PCNX4: variants seen among roughly 807,000 people sequenced by gnomAD.
PCNX4 encodes pecanex 4, also known as pecanex-like protein 4.
PCNX4 carries 103 observed loss-of-function variants against 107.2 expected under a neutral mutation model. The ratio of observed to expected loss-of-function variants is 0.96; its 90% CI spans 0.82 to 1.13. PCNX4 has a LOEUF of 1.13. PCNX4 is among the 50% of genes most tolerant of loss of function. The pLI, the probability that PCNX4 is intolerant of heterozygous loss-of-function variation, is 0.00. For synonymous variants in PCNX4, 541 were observed against 481.7 expected, an observed-to-expected ratio of 1.12 and a Z score of -1.61; for missense variants, 1,528 against 1,379.4, an observed-to-expected ratio of 1.11 and a Z score of -1.71.
In PCNX4 at chr14:60,134,351, CGTA is replaced by C; in HGVS notation, c.*131_*133del. ...CAGATGCCTGAGAACAGCTAAGCTCCGTAAAGTTGGTTCTCTTAGCCATCTTAA... is the reference window on the plus strand; with the variant it reads ...CAGATGCCTGAGAACAGCTAAGCTCCAAGTTGGTTCTCTTAGCCATCTTAA... On this transcript the variant is annotated 3_prime_UTR_variant, in exon 11 of 11. Coordinates refer to ENST00000406854, the MANE Select transcript of PCNX4 (RefSeq NM_001330177.2). The C allele has an allele frequency of 8.5e-7, 1 of 1,177,186 alleles. No individual in the cohort carries two copies. The highest frequency in any genetic ancestry group is 1.2e-6 in the Non-Finnish European group (1 of 841,090). The allele number at this position is 1,177,186 out of a possible 1,614,324, so 72.9% of individuals were successfully genotyped here. A position where few individuals can be genotyped will look rare whatever the true frequency, so the allele number is the denominator to read the frequency against.
chr14:60,125,360 T>A (rs1896035561), intron 9 of PCNX4, 109 bp downstream of exon 9: 1 of 1,189,440 alleles, frequency 8.4e-7, no homozygotes, highest in East Asian at 2.7e-5. Flanking sequence ...TAAAATTTAC[T>A]TTCTTCAAAA....
At position 60,115,377 on chromosome 14, in the gene PCNX4, G is replaced by T. The variant is rs868416541; in HGVS notation, c.1273G>T (p.Asp425Tyr). 6.3e-7 allele frequency: 1 copy of T among 1,597,312 alleles called. No individual in the cohort carries two copies. Among genetic ancestry groups the T allele is most frequent in the Non-Finnish European group, 8.5e-7 (1 of 1,172,124 alleles). The change falls in exon 4 of 11, where the codon GAT becomes TAT. Residue 425 changes from aspartate (D) to tyrosine (Y), a missense_variant. Coordinates refer to ENST00000406854, the MANE Select transcript of PCNX4 (RefSeq NM_001330177.2). ...GIFRNPFYPKDVQTVTVFFEK... is the reference protein window; with the variant it reads ...GIFRNPFYPKYVQTVTVFFEK... The stretch of plus-strand genomic sequence containing the variant: ...TTTCCGAAATCCCTTTTATCCGAAG[G>T]ATGTGCAAACTGTGACTGTATTCTT...
At chr14:60,115,692 A>C (rs766217857) in intron 4 of PCNX4, 27 bp from the exon 5 acceptor site, 4 of 1,583,528 alleles carry the variant, frequency 2.5e-6, no homozygotes, top group Admixed American at 1.7e-5. Flanking sequence ...GCCTTAATTA[A>C]ATTTCTCTCT....
At position 60,107,658 on chromosome 14, in the gene PCNX4, T is replaced by C; in HGVS notation, c.20T>C (p.Leu7Pro). 6.2e-7 allele frequency: 1 copy of C among 1,612,592 alleles called. No homozygotes were observed. Among genetic ancestry groups the C allele is most frequent in the Non-Finnish European group, 8.5e-7 (1 of 1,179,740 alleles). Residue 7 changes from leucine to proline, a missense_variant, in exon 2 of 11, where the codon CTA becomes CCA. Physicochemically the swap from Leu to Pro is moderately conservative, Grantham distance 98. Coordinates refer to ENST00000406854, the MANE Select transcript of PCNX4 (RefSeq NM_001330177.2). MSPDVP[L>P]LNDYKQDFFL... is the part of the protein sequence containing the mutation. The stretch of plus-strand genomic sequence containing the variant: ...GTGAGGATGAGTCCAGATGTGCCTC[T>C]ACTGAATGATTACAAGCAGGACTTC...
In PCNX4 at chr14:60,114,742, T is replaced by A; in HGVS notation, c.732T>A (p.Ile244=). Residue 244 remains isoleucine, a synonymous_variant, in exon 3 of 11, where the codon ATT becomes ATA. Coordinates refer to ENST00000406854, the MANE Select transcript of PCNX4 (RefSeq NM_001330177.2). The stretch of plus-strand genomic sequence containing the variant: ...CAGCTCTAGAACACATGAATCAGAT[T>A]TTACACATCTTGTTTGTATTTTTAC... The part of the protein sequence containing the change: ...NMPALEHMNQ[I]LHILFVFLPF... The A allele has an allele frequency of 6.2e-7, 1 of 1,613,842 alleles. No homozygotes were observed.
chr14:60,116,193 G>T, intron 6 of PCNX4, 133 bp downstream of exon 6: 2 of 878,242 alleles, frequency 2.3e-6, no homozygotes, highest in Non-Finnish European at 1.6e-6. Flanking sequence ...ATCCCAAAAA[G>T]AAACCTCAAC....
At chr14:60,127,961 C>A (rs550023995) in intron 10 of PCNX4, among the ~76,000 whole-genome samples, 1 of 152,094 alleles carries the variant, frequency 6.6e-6, no homozygotes, top group Admixed American at 6.5e-5. Flanking sequence ...ATGAAAAATT[C>A]CACTAGAGGG....
Position 60,108,087 on chromosome 14 carries a change from CG to C in PCNX4, c.450del (p.Cys151ValfsTer13), listed in dbSNP as rs781074050. ...TVFHSILAGL[A>X]CGLGTWYLLP... ...TTTCATTCTATTCTTGCTGGATTAGCGTGTGGTCTTGGAACATGGTATCTGC... is the reference window on the plus strand; with the variant it reads ...TTTCATTCTATTCTTGCTGGATTAGCTGTGGTCTTGGAACATGGTATCTGC... On this transcript the variant is annotated frameshift_variant, in exon 2 of 11. Transcript: ENST00000406854. LOFTEE classifies it high-confidence loss of function. 6.2e-7 allele frequency: 1 copy of C among 1,612,776 alleles called. No individual in the cohort carries two copies. The highest frequency in any genetic ancestry group is 2.2e-5 in the East Asian group (1 of 44,878).
rs768972189 is a variant in PCNX4 at position 60,115,757 on chromosome 14, A to C, written c.1396A>C (p.Ser466Arg). 3.7e-6 allele frequency: 6 copies of C among 1,613,502 alleles called. No homozygotes were observed. The Admixed American group carries it at 1.0e-4, about 27-fold the overall frequency. ...CATGATAGCATTTCTTTCATTGGAC[A>C]GTTCCTTACAAGGGCTCCACTCAGT... ...FAMIAFLSLD[S>R]SLQGLHSVSV... Residue 466 changes from serine to arginine, a missense_variant, in exon 5 of 11, where the codon AGT (serine) becomes CGT (arginine). By Grantham distance (110) the Ser-to-Arg change is moderately radical. Transcript: ENST00000406854.
intron 1 of PCNX4, among the ~76,000 whole-genome samples, chr14:60,096,682 G>T (rs532725402): frequency 6.6e-6 from 1 of 152,278 alleles, no homozygotes; most frequent in Non-Finnish European, 1.5e-5. Flanking sequence ...TCAGTGTCTT[G>T]TAATATGATA....
intron 10 of PCNX4, 192 bp downstream of exon 10, chr14:60,126,015 T>G: frequency 2.5e-6 from 1 of 406,412 alleles, no homozygotes; most frequent in Non-Finnish European, 4.2e-6. Context: ...TTCTCTACTT[T>G]TGCCAACTGA....
At chr14:60,129,108 C>T (rs569343490) in intron 10 of PCNX4, among the ~76,000 whole-genome samples, 12 of 151,948 alleles carry the variant, frequency 7.9e-5, no homozygotes, top group East Asian at 1.9e-4. Context: ...CCCAGCTACT[C>T]GGGCGCCTGT....
intron 7 of PCNX4, 135 bp from the exon 8 acceptor site, chr14:60,121,061 C>A: frequency 9.1e-7 from 1 of 1,102,774 alleles, no homozygotes; most frequent in Non-Finnish European, 1.2e-6. Flanking sequence ...TATTTCTGTT[C>A]TTGACCTAAT....
Position 60,115,389 on chromosome 14 carries a change from G to C in PCNX4, c.1285G>C (p.Val429Leu), listed in dbSNP as rs769783208. ...CTTTTATCCGAAGGATGTGCAAACT[G>C]TGACTGTATTCTTTGAGAAGCAAAC... ...NPFYPKDVQT[V>L]TVFFEKQTRL... is the part of the protein sequence containing the mutation. Residue 429 changes from valine to leucine, a missense_variant, in exon 4 of 11, where the codon GTG becomes CTG. Val to Leu is a conservative substitution (Grantham distance 32, BLOSUM62 1). Coordinates refer to ENST00000406854, the MANE Select transcript of PCNX4 (RefSeq NM_001330177.2). 6.3e-7 allele frequency: 1 copy of C among 1,584,964 alleles called. No individual in the cohort carries two copies. Among genetic ancestry groups the C allele is most frequent in the Admixed American group, 1.8e-5 (1 of 54,338 alleles).
In PCNX4 at chr14:60,124,405, G is replaced by A. The variant is rs781578314; in HGVS notation, c.2234G>A (p.Gly745Asp). 6.8e-6 allele frequency: 11 copies of A among 1,613,444 alleles called. No homozygotes were observed. The highest frequency in any genetic ancestry group is 9.3e-6 in the Non-Finnish European group (11 of 1,179,668). ...LYSDARNVLS[G>D]IIDSHENLKE... is the part of the protein sequence containing the mutation. Reference sequence around the variant, plus strand: ...TCTGATGCCAGGAATGTTCTATCAGGCATAATTGATTCTCATGAAAACTTA... The same window carrying A: ...TCTGATGCCAGGAATGTTCTATCAGACATAATTGATTCTCATGAAAACTTA... The change falls in exon 9 of 11, where the codon GGC (glycine) becomes GAC (aspartate). Residue 745 changes from glycine to aspartate, a missense_variant. Gly to Asp is a moderately conservative substitution (Grantham distance 94). Coordinates refer to ENST00000406854, the MANE Select transcript of PCNX4 (RefSeq NM_001330177.2).
chr14:60,127,345 T>C lies in PCNX4; in HGVS notation c.3267+1522T>C, dbSNP rs536391327. ...TTCCTTTCAAGGAGTTCATGTTTAA[T>C]TGGATCAGTCTGTGGAGCAATTTAT... On this transcript the variant is annotated intron_variant, in intron 10 of 10. Transcript: ENST00000406854. Among the ~76,000 whole-genome samples, 8 of 152,330 alleles carry C rather than the reference T, an allele frequency of 5.3e-5. No homozygotes were observed. The South Asian group carries it at 8.3e-4, about 16-fold the overall frequency.
intron 1 of PCNX4, 91 bp from the exon 2 acceptor site, chr14:60,107,495 G>A: frequency 1.4e-6 from 1 of 695,830 alleles, no homozygotes; most frequent in Non-Finnish European, 2.3e-6. Context: ...CTTGAAGGAA[G>A]TGAGGAGATG....
In PCNX4 at chr14:60,108,166, ATTC is replaced by A. The variant is rs1278373484; in HGVS notation, c.534_536del (p.Phe179del). 1.9e-6 allele frequency: 3 copies of A among 1,612,892 alleles called. No homozygotes were observed. The highest frequency in any genetic ancestry group is 2.5e-6 in the Non-Finnish European group (3 of 1,179,890). ...GCAGTACAGGAGGCACTGCTCTACT[ATTC>A]TTCTTTGGATGGATGACACTATGTA... is the stretch of plus-strand genomic sequence containing the variant. On this transcript the variant is annotated inframe_deletion, in exon 2 of 11. Transcript: ENST00000406854.
In PCNX4 at chr14:60,143,933, G is replaced by A. The variant is rs555032320; in HGVS notation, c.*9712G>A. 5 of 152,352 alleles carry A rather than the reference G, an allele frequency of 3.3e-5. No individual in the cohort carries two copies. The highest frequency in any genetic ancestry group is 1.2e-4 in the African/African-American group (5 of 41,588). The allele number at this position is 152,352 out of a possible 1,614,324, so 9.4% of individuals were successfully genotyped here. On this transcript the variant is annotated 3_prime_UTR_variant, in exon 11 of 11. Coordinates refer to ENST00000406854, the MANE Select transcript of PCNX4 (RefSeq NM_001330177.2). ...TAAAATTAATAATAGTAGAAGTAAGGAGTTGCCAGTGGAATCTTCCTGAGC... is the reference window on the plus strand; with the variant it reads ...TAAAATTAATAATAGTAGAAGTAAGAAGTTGCCAGTGGAATCTTCCTGAGC...
Sources: gnomAD v4.1 joint callset for allele counts (sites outside exome capture counted in the v4.1 genomes callset) on GRCh38, gnomAD v4.1.1 for gene constraint, MANE v1.5 for transcripts, NCBI Gene and HGNC (gene_info 2026-07-23, HGNC 2026-07-21) for gene names.